LIPI: variants seen among roughly 807,000 people sequenced by gnomAD.
LIPI encodes lipase member I.
A neutral mutation model predicts 50.6 loss-of-function variants in LIPI; 59 were observed. That is an observed-to-expected ratio of 1.16 (90% CI 0.94 to 1.45). The LOEUF (loss-of-function observed/expected upper bound fraction) is 1.45, where lower values mean the gene tolerates loss of function less well. Ranked by LOEUF, LIPI falls within the 40% of genes most tolerant of loss-of-function variation. The pLI is 0.00. For missense variants in LIPI, 586 were observed against 536.3 expected (o/e 1.09, Z -0.92); for synonymous variants, 203 against 178.2 (o/e 1.14, Z -1.11).
chr21:14,209,556 ATTTTCTATTTACTACTGTTAATAT>A (rs1367813965), intron 1 of LIPI, among the ~76,000 whole-genome samples: 3 of 152,118 alleles, frequency 2.0e-5, no homozygotes. Context: ...TAATTCACTT[ATTTTCTATTTACTACTGTTAATAT>A]CTAAAAGTTC....
At chr21:14,173,135 C>T (rs976548238) in intron 4 of LIPI, among the ~76,000 whole-genome samples, 1 of 152,104 alleles carries the variant, frequency 6.6e-6, no homozygotes, top group African/African-American at 2.4e-5. Flanking sequence ...GGCGGTGACC[C>T]CAGTGGATAT....
chr21:14,165,516 TAC>T, intron 5 of LIPI, 126 bp from the exon 6 acceptor site: 2 of 662,578 alleles, frequency 3.0e-6, no homozygotes, highest in East Asian at 2.7e-5. Flanking sequence ...CTGACTATAA[TAC>T]ACAGTTTTAT....
At chr21:14,115,422 G>A (rs534413089) in intron 9 of LIPI, among the ~76,000 whole-genome samples, 7 of 145,750 alleles carry the variant, frequency 4.8e-5, no homozygotes, top group East Asian at 3.9e-4. Context: ...TTCTTTGTCC[G>A]GGGCTCAGAC....
In LIPI at chr21:14,144,777, GT is replaced by G; in HGVS notation, c.1140del (p.Lys380AsnfsTer16). 1 of 1,576,852 alleles carries G rather than the reference GT, an allele frequency of 6.3e-7. No homozygotes were observed. Among genetic ancestry groups the G allele is most frequent in the African/African-American group, 1.3e-5 (1 of 74,098 alleles). ...RLYEKNKPFY[K>X]LQEVKILAQF... is the part of the protein sequence containing the mutation. ...TGAGCAAGAATCTTGACTTCTTGAA[GT>G]TTATAAAATGGTTTGTTCTTTCTAG... On this transcript the variant is annotated frameshift_variant, in exon 9 of 10. Transcript: ENST00000681601. LOFTEE classifies it high-confidence loss of function.
chr21:14,172,035 C>T (rs890269339), intron 4 of LIPI, among the ~76,000 whole-genome samples: 1 of 152,110 alleles, frequency 6.6e-6, no homozygotes, highest in African/African-American at 2.4e-5. Context: ...AAACAAACAA[C>T]CCCATCAAAA....
intron 4 of LIPI, among the ~76,000 whole-genome samples, chr21:14,174,646 C>A (rs141525925): frequency 0.027 from 4,168 of 152,130 alleles, 69 homozygotes; most frequent in Admixed American, 0.033. Context: ...CTCTGCCTAC[C>A]GGGTTTAAGC....
At chr21:14,193,437 C>A (rs1438937942) in intron 1 of LIPI, among the ~76,000 whole-genome samples, 1 of 151,920 alleles carries the variant, frequency 6.6e-6, no homozygotes, top group Non-Finnish European at 1.5e-5. Flanking sequence ...AACAACCCCC[C>A]CAACTGAAAA....
At chr21:14,184,024 C>T (rs963669720) in intron 3 of LIPI, among the ~76,000 whole-genome samples, 1 of 152,112 alleles carries the variant, frequency 6.6e-6, no homozygotes, top group Admixed American at 6.5e-5. Context: ...GACACATGCA[C>T]ATGTATGTTT....
In LIPI at chr21:14,163,470, G is replaced by A. The variant is rs780297545; in HGVS notation, c.955C>T (p.Pro319Ser). The change falls in exon 7 of 10, where the codon CCT becomes TCT. Residue 319 changes from proline to serine, a missense_variant. By Grantham distance (74) the Pro-to-Ser change is moderately conservative. Transcript: ENST00000681601. ...GVLKERMEGR[P>S]LRTTVFLDTS... ...TCCAAAAACACAGTGGTCCTAAGAG[G>A]TCTTCCTTCCATCCTTTCTTTTAAA... 6.3e-7 allele frequency: 1 copy of A among 1,591,208 alleles called. No homozygotes were observed. Among genetic ancestry groups the A allele is most frequent in the Admixed American group, 1.7e-5 (1 of 59,910 alleles).
intron 9 of LIPI, among the ~76,000 whole-genome samples, chr21:14,138,369 A>C (rs771543156): frequency 7.9e-5 from 12 of 152,146 alleles, no homozygotes; most frequent in Non-Finnish European, 1.6e-4. Context: ...GCTGTTCTTC[A>C]GTGAATAAGT....
At chr21:14,141,681 T>A (rs946916343) in intron 9 of LIPI, among the ~76,000 whole-genome samples, 1 of 152,212 alleles carries the variant, frequency 6.6e-6, no homozygotes, top group Non-Finnish European at 1.5e-5. Context: ...ATGACGAAAG[T>A]GGTAGCTGCC....
intron 7 of LIPI, among the ~76,000 whole-genome samples, chr21:14,158,615 ATGTG>A (rs1052235505): frequency 6.7e-6 from 1 of 148,562 alleles, no homozygotes; most frequent in Non-Finnish European, 1.5e-5. Context: ...AAATATATAT[ATGTG>A]TGTGTAGAAA....
chr21:14,182,712 G>A (rs1020895826), intron 3 of LIPI, among the ~76,000 whole-genome samples: 78 of 150,186 alleles, frequency 5.2e-4, no homozygotes, highest in African/African-American at 1.8e-3. Context: ...TGAAATAAAA[G>A]AGGATACAAA....
intron 1 of LIPI, among the ~76,000 whole-genome samples, chr21:14,194,886 TA>T (rs1377309037): frequency 1.3e-5 from 2 of 152,214 alleles, no homozygotes; most frequent in East Asian, 3.8e-4. Flanking sequence ...TCATTATAGA[TA>T]TCTCATCCCA....
At chr21:14,185,520 A>G (rs1159368351) in intron 3 of LIPI, among the ~76,000 whole-genome samples, 1 of 152,228 alleles carries the variant, frequency 6.6e-6, no homozygotes, top group East Asian at 1.9e-4. Context: ...ATATTTAAAT[A>G]TAACATAGAA....
At chr21:14,147,678 C>A (rs899876288) in intron 8 of LIPI, among the ~76,000 whole-genome samples, 1 of 152,186 alleles carries the variant, frequency 6.6e-6, no homozygotes, top group Non-Finnish European at 1.5e-5. Context: ...TGGATTCTCT[C>A]CATGTATCTT....
chr21:14,137,141 C>G (rs969944100), intron 9 of LIPI, among the ~76,000 whole-genome samples: 1 of 152,094 alleles, frequency 6.6e-6, no homozygotes, highest in Non-Finnish European at 1.5e-5. Flanking sequence ...AAAGTGAGGA[C>G]TACAATAAAC....
chr21:14,199,895 T>G (rs563554927), intron 1 of LIPI, among the ~76,000 whole-genome samples: 1 of 152,146 alleles, frequency 6.6e-6, no homozygotes, highest in East Asian at 1.9e-4. Context: ...ATCAAAAAGC[T>G]TATCCACCAT....
intron 9 of LIPI, among the ~76,000 whole-genome samples, chr21:14,141,071 G>T (rs1031201372): frequency 1.3e-5 from 2 of 152,096 alleles, no homozygotes; most frequent in Admixed American, 6.6e-5. Context: ...ATAAGAATGG[G>T]TCTAAATGTT....
Sources: gnomAD v4.1 joint callset for allele counts (sites outside exome capture counted in the v4.1 genomes callset) on GRCh38, gnomAD v4.1.1 for gene constraint, MANE v1.5 for transcripts, NCBI Gene and HGNC (gene_info 2026-07-23, HGNC 2026-07-21) for gene names.